UBR3: variants seen among roughly 807,000 people sequenced by gnomAD.
UBR3 encodes the protein ubiquitin protein ligase E3 component n-recognin 3.
A neutral mutation model predicts 243.2 loss-of-function variants in UBR3; 85 were observed. That is an observed-to-expected ratio of 0.35 (90% CI 0.29 to 0.42). The LOEUF (loss-of-function observed/expected upper bound fraction) is 0.42, where lower values mean the gene tolerates loss of function less well. UBR3 is among the 10% of genes least tolerant of loss of function. The pLI, the probability that UBR3 is intolerant of heterozygous loss-of-function variation, is 1.00. For missense variants in UBR3, 1,686 were observed against 2,300.8 expected (o/e 0.73, Z 5.47); for synonymous variants, 748 against 799.8 (o/e 0.94, Z 1.09).
At chr2:170,034,001 T>G (rs1414121261) in intron 31 of UBR3, among the ~76,000 whole-genome samples, 1 of 126,816 alleles carries the variant, frequency 7.9e-6, no homozygotes, top group Non-Finnish European at 1.7e-5. Context: ...CAATTATTTT[T>G]TAAAGACTTT....
intron 1 of UBR3, among the ~76,000 whole-genome samples, chr2:169,830,747 A>T (rs1459586726): frequency 6.6e-6 from 1 of 152,058 alleles, no homozygotes; most frequent in Non-Finnish European, 1.5e-5. Context: ...AGGCACATCA[A>T]AACAGGAGTT....
intron 24 of UBR3, among the ~76,000 whole-genome samples, chr2:169,972,793 C>T (rs1018653685): frequency 4.6e-5 from 7 of 151,802 alleles, no homozygotes; most frequent in African/African-American, 1.4e-4. Context: ...CTATGACAAA[C>T]CCACAGCCAA....
At chr2:170,070,166 G>A (rs2091667471) in intron 35 of UBR3, among the ~76,000 whole-genome samples, 1 of 151,882 alleles carries the variant, frequency 6.6e-6, no homozygotes, top group African/African-American at 2.4e-5. Flanking sequence ...TGACCAAATG[G>A]GTTTATCCCG....
chr2:170,004,253 C>A (rs1369940958), intron 27 of UBR3, among the ~76,000 whole-genome samples: 4 of 152,046 alleles, frequency 2.6e-5, no homozygotes, highest in African/African-American at 9.7e-5. Context: ...TTTAGAAGGA[C>A]AATCTTCTGG....
chr2:169,893,318 G>A (rs2084445652), intron 6 of UBR3, among the ~76,000 whole-genome samples: 1 of 152,138 alleles, frequency 6.6e-6, no homozygotes, highest in South Asian at 2.1e-4. Context: ...TTTCTTTTAA[G>A]TGCTTGACAA....
At chr2:170,050,585 G>A (rs985722179) in intron 32 of UBR3, among the ~76,000 whole-genome samples, 3 of 151,914 alleles carry the variant, frequency 2.0e-5, no homozygotes, top group Admixed American at 1.3e-4. Flanking sequence ...TATTTTGATA[G>A]TTTTTTTTGT....
Position 170,040,920 on chromosome 2 carries a change from T to G in UBR3, c.4595T>G (p.Leu1532Arg). Residue 1532 changes from leucine to arginine, a missense_variant, in exon 32 of 39, where the codon CTT becomes CGT. By Grantham distance (102) the Leu-to-Arg change is moderately radical. Coordinates refer to ENST00000272793, the MANE Select transcript of UBR3 (RefSeq NM_172070.4). ...GAACAACAGCCTGAGGTTCCAATTC[T>G]TTATCATGATGTAACATCCCTTTTG... The part of the protein sequence containing the change: ...YEEQQPEVPI[L>R]YHDVTSLLLI... The G allele has an allele frequency of 6.2e-7, 1 of 1,613,562 alleles. No homozygotes were observed. The highest frequency in any genetic ancestry group is 1.1e-5 in the South Asian group (1 of 91,074).
At chr2:170,069,875 T>C (rs1338932680) in intron 35 of UBR3, among the ~76,000 whole-genome samples, 1 of 152,124 alleles carries the variant, frequency 6.6e-6, no homozygotes. Flanking sequence ...AATAGTGTAG[T>C]ATTTGCTTAT....
intron 1 of UBR3, among the ~76,000 whole-genome samples, chr2:169,856,908 C>T (rs1386538033): frequency 6.6e-6 from 1 of 151,882 alleles, no homozygotes; most frequent in Non-Finnish European, 1.5e-5. Flanking sequence ...AACTTTTGGT[C>T]TTTGCAAATA....
chr2:170,078,056 G>T, intron 36 of UBR3: 1 of 678,250 alleles, frequency 1.5e-6, no homozygotes. Context: ...ACTGCTCCCT[G>T]TGGAGTCTTT....
intron 31 of UBR3, among the ~76,000 whole-genome samples, chr2:170,031,874 A>G (rs894323818): frequency 6.6e-6 from 1 of 152,178 alleles, no homozygotes; most frequent in Non-Finnish European, 1.5e-5. Flanking sequence ...TTATAGCTGC[A>G]TAGTAGTCCA....
intron 1 of UBR3, among the ~76,000 whole-genome samples, chr2:169,862,962 A>G (rs1415033836): frequency 8.5e-5 from 13 of 152,326 alleles, no homozygotes; most frequent in Non-Finnish European, 4.4e-5. Context: ...AATTTGTTGC[A>G]AAATAATGTG....
intron 1 of UBR3, among the ~76,000 whole-genome samples, chr2:169,851,525 T>A (rs547864135): frequency 1.3e-5 from 2 of 152,328 alleles, no homozygotes; most frequent in Admixed American, 6.5e-5. Context: ...GATATTATTG[T>A]CCTCGTTTTT....
chr2:169,878,925 AT>A (rs1351776428), intron 5 of UBR3, among the ~76,000 whole-genome samples: 1 of 152,170 alleles, frequency 6.6e-6, no homozygotes, highest in African/African-American at 2.4e-5. Flanking sequence ...CAATGAAATT[AT>A]TTTTGAAAAT....
In UBR3 at chr2:169,927,683, C is replaced by T. The variant is rs6708571; in HGVS notation, c.2424+278C>T. On this transcript the variant is annotated intron_variant, in intron 17 of 38. Transcript: ENST00000272793. ...GGCTTTGGCCACCCCAGCATTTAAC[C>T]TCCTAGTGGACAGCATTACTGAACG... Among the ~76,000 whole-genome samples, 391 of 152,030 alleles carry T rather than the reference C, an allele frequency of 2.6e-3. 4 individuals carry two copies. The highest frequency in any genetic ancestry group is 8.8e-3 in the African/African-American group (367 of 41,474).
intron 8 of UBR3, among the ~76,000 whole-genome samples, chr2:169,903,690 T>C (rs1258898585): frequency 1.3e-5 from 2 of 152,078 alleles, no homozygotes; most frequent in Non-Finnish European, 2.9e-5. Context: ...GACAGGTAGA[T>C]AGGTAGTTGA....
At chr2:169,897,085 T>C (rs773130199) in intron 8 of UBR3, among the ~76,000 whole-genome samples, 7 of 152,166 alleles carry the variant, frequency 4.6e-5, no homozygotes, top group Non-Finnish European at 1.0e-4. Flanking sequence ...ATAAATACTT[T>C]TTAAAAAGTT....
At chr2:170,000,185 G>T (rs997992886) in intron 26 of UBR3, among the ~76,000 whole-genome samples, 1 of 151,488 alleles carries the variant, frequency 6.6e-6, no homozygotes, top group Non-Finnish European at 1.5e-5. Context: ...AGGATATATA[G>T]TTTGCTTATA....
At chr2:169,938,952 C>A (rs2086457006) in intron 19 of UBR3, among the ~76,000 whole-genome samples, 1 of 151,920 alleles carries the variant, frequency 6.6e-6, no homozygotes, top group African/African-American at 2.4e-5. Flanking sequence ...TTGTGGATAA[C>A]TTAAAACTAC....
Sources: allele counts gnomAD v4.1 joint callset (sites outside exome capture counted in the v4.1 genomes callset), GRCh38; gene constraint gnomAD v4.1.1; transcripts MANE v1.5; gene names NCBI Gene and HGNC (gene_info 2026-07-23, HGNC 2026-07-21).